TIA1: variants seen among roughly 807,000 people sequenced by gnomAD.
TIA1 encodes the protein cytotoxic granule associated RNA binding protein TIA1.
Under a neutral mutation model 65.9 loss-of-function variants are expected in TIA1, and 23 were observed. The ratio of observed to expected loss-of-function variants is 0.35; its 90% CI spans 0.25 to 0.49. The LOEUF is 0.49. Ranked by LOEUF, TIA1 falls within the 20% of genes least tolerant of loss-of-function variation. The probability of loss-of-function intolerance (pLI) is 0.98; values close to 1 mark genes in which losing one functional copy is unlikely to be tolerated. For synonymous variants in TIA1, 147 were observed against 149.4 expected, an observed-to-expected ratio of 0.98 and a Z score of 0.12; for missense variants, 371 against 477.9, an observed-to-expected ratio of 0.78 and a Z score of 2.09.
rs1224162005 is a variant in TIA1, at chr2:70,248,465, G to A, written c.-35C>T. The stretch of plus-strand genomic sequence containing the variant: ...TGTCGCGGCGGCGCCTCCAGGTCCA[G>A]CTCCCTGCCCTTCACTACCTCCCAA... On this transcript the variant is annotated 5_prime_UTR_variant, in exon 1 of 13. Coordinates refer to ENST00000433529, the MANE Select transcript of TIA1 (RefSeq NM_022173.4). 6.2e-6 allele frequency: 10 copies of A among 1,600,822 alleles called. No individual in the cohort carries two copies. The highest frequency in any genetic ancestry group is 8.5e-6 in the Non-Finnish European group (10 of 1,179,958).
chr2:70,241,638 C>G (rs1210761981), intron 1 of TIA1, among the ~76,000 whole-genome samples: 1 of 151,726 alleles, frequency 6.6e-6, no homozygotes, highest in Non-Finnish European at 1.5e-5. Context: ...ACAGGAGAAA[C>G]AGTACCCTTC....
chr2:70,228,797 G>T, intron 5 of TIA1: 2 of 1,365,820 alleles, frequency 1.5e-6, no homozygotes, highest in Admixed American at 3.3e-5. Context: ...AAGAAAGGAG[G>T]GTATTTTGCC....
intron 2 of TIA1, among the ~76,000 whole-genome samples, chr2:70,231,652 C>T (rs1446785922): frequency 6.6e-6 from 1 of 152,196 alleles, no homozygotes; most frequent in African/African-American, 2.4e-5. Context: ...TCTGAAGTCT[C>T]ACTTCGGCTT....
chr2:70,243,027 T>C (rs1314541354), intron 1 of TIA1, among the ~76,000 whole-genome samples: 2 of 152,252 alleles, frequency 1.3e-5, no homozygotes, highest in African/African-American at 4.8e-5. Flanking sequence ...GAGTTAAATG[T>C]ACTGTCTCAG....
intron 1 of TIA1, among the ~76,000 whole-genome samples, chr2:70,241,784 A>G (rs532152449): frequency 2.0e-5 from 3 of 152,108 alleles, no homozygotes; most frequent in Non-Finnish European, 4.4e-5. Context: ...TCTACAAAAA[A>G]TAAGAAAAAA....
chr2:70,238,842 G>T lies in TIA1; in HGVS notation c.27-2667C>A, dbSNP rs72902490. 5.8e-3 allele frequency among the ~76,000 whole-genome samples: 889 copies of T among 152,184 alleles called. 11 individuals are homozygous for T. The highest frequency in any genetic ancestry group is 0.021 in the African/African-American group (853 of 41,520). Reference sequence around the variant, plus strand: ...AAGGTGGAAAGATCACTTTAGCCAAGGAGTTCAAGATCAGCCCAGTCAATA... The same window carrying T: ...AAGGTGGAAAGATCACTTTAGCCAATGAGTTCAAGATCAGCCCAGTCAATA... On this transcript the variant is annotated intron_variant, in intron 1 of 12. Transcript: ENST00000433529.
At chr2:70,233,373 A>C (rs746389074) in intron 2 of TIA1, among the ~76,000 whole-genome samples, 3 of 152,248 alleles carry the variant, frequency 2.0e-5, no homozygotes, top group African/African-American at 7.2e-5. Flanking sequence ...TGTCTAAAAA[A>C]ATTAGAGAAT....
At chr2:70,243,740 A>G (rs902349950) in intron 1 of TIA1, among the ~76,000 whole-genome samples, 1 of 152,218 alleles carries the variant, frequency 6.6e-6, no homozygotes, top group African/African-American at 2.4e-5. Flanking sequence ...TTTTAAAATA[A>G]ATCCATTTAT....
rs772379774 is a variant in TIA1, at chr2:70,216,168, C to T, written c.764+40G>A. 24 of 1,415,826 alleles carry T rather than the reference C, an allele frequency of 1.7e-5. 1 individual carries two copies. Among genetic ancestry groups the T allele is most frequent in the Middle Eastern group, 2.2e-4 (1 of 4,558 alleles). 87.7% of individuals were successfully genotyped at this position (1,415,826 alleles called of 1,614,324 possible). A position where few individuals can be genotyped will look rare whatever the true frequency, so the allele number is the denominator to read the frequency against. On this transcript the variant is annotated intron_variant, in intron 10 of 12. Transcript: ENST00000433529. Reference sequence around the variant, plus strand: ...TATTTATTTTCTGGTTTTCCAGTTACATTACCAAGAAAAATGTTTTTTTAA... The same window carrying T: ...TATTTATTTTCTGGTTTTCCAGTTATATTACCAAGAAAAATGTTTTTTTAA...
chr2:70,213,657 C>CTT (rs199690023), intron 12 of TIA1, among the ~76,000 whole-genome samples: 21 of 140,700 alleles, frequency 1.5e-4, no homozygotes, highest in African/African-American at 5.0e-4. Flanking sequence ...CCACAAAATC[C>CTT]TTTTTTTTTT....
At position 70,222,062 on chromosome 2, in the gene TIA1, G is replaced by A. The variant is rs565588035; in HGVS notation, c.474+2492C>T. The stretch of plus-strand genomic sequence containing the variant: ...CCCAAAGTGCTGGGATTACAGGTGT[G>A]AGCCACTGTGCCCGGCCACACTGTA... On this transcript the variant is annotated intron_variant, in intron 7 of 12. Transcript: ENST00000433529. 2.0e-4 allele frequency among the ~76,000 whole-genome samples: 30 copies of A among 152,114 alleles called. No individual in the cohort carries two copies. The East Asian group carries it at 3.9e-3, about 20-fold the overall frequency.
Position 70,210,327 on chromosome 2 carries a change from T to G in TIA1, c.*2392A>C, listed in dbSNP as rs1676170125. On this transcript the variant is annotated 3_prime_UTR_variant, in exon 13 of 13. Coordinates refer to ENST00000433529, the MANE Select transcript of TIA1 (RefSeq NM_022173.4). ...GTACCAGAAAGTAAAATCTAAATTTTGCATATTGCAGAGAATGAAACCATT... is the reference window on the plus strand; with the variant it reads ...GTACCAGAAAGTAAAATCTAAATTTGGCATATTGCAGAGAATGAAACCATT... The G allele has an allele frequency of 6.6e-6, 1 of 152,236 alleles. No homozygotes were observed. The allele number at this position is 152,236 out of a possible 1,614,324, so 9.4% of individuals were successfully genotyped here. A position where few individuals can be genotyped will look rare whatever the true frequency, so the allele number is the denominator to read the frequency against.
rs180857517 is a variant in TIA1 at position 70,232,931 on chromosome 2, T to C, written c.124-2077A>G. ...CAGGTAGGTGAGGCTATGTGATAAA[T>C]AGAACCTGGATGTTTAATTATAAAT... is the stretch of plus-strand genomic sequence containing the variant. On this transcript the variant is annotated intron_variant, in intron 2 of 12. Coordinates refer to ENST00000433529, the MANE Select transcript of TIA1 (RefSeq NM_022173.4). Among the ~76,000 whole-genome samples the C allele has an allele frequency of 1.9e-3, 289 of 151,928 alleles. 1 individual carries two copies. Among genetic ancestry groups the C allele is most frequent in the South Asian group, 0.015 (71 of 4,818 alleles).
At chr2:70,214,124 C>G (rs1434211690) in intron 12 of TIA1, among the ~76,000 whole-genome samples, 1 of 152,122 alleles carries the variant, frequency 6.6e-6, no homozygotes, top group Non-Finnish European at 1.5e-5. Flanking sequence ...TAGCATCAAA[C>G]TCAGTGTATA....
At position 70,211,060 on chromosome 2, in the gene TIA1, T is replaced by C. The variant is rs1180568209; in HGVS notation, c.*1659A>G. The C allele has an allele frequency of 6.6e-6, 1 of 152,168 alleles. No individual in the cohort carries two copies. Among genetic ancestry groups the C allele is most frequent in the Non-Finnish European group, 1.5e-5 (1 of 68,038 alleles). The allele number at this position is 152,168 out of a possible 1,614,324, so 9.4% of individuals were successfully genotyped here. On this transcript the variant is annotated 3_prime_UTR_variant, in exon 13 of 13. Transcript: ENST00000433529. ...AATGCAGGCCAGGAAACTTAAGATT[T>C]TGCGGGCCTTTTCTGTTTCTAGGTA...
chr2:70,236,033 G>C (rs1688748213), intron 2 of TIA1, 46 bp downstream of exon 2: 3 of 1,170,036 alleles, frequency 2.6e-6, no homozygotes, highest in African/African-American at 1.6e-5. Context: ...TTTAAGTAAT[G>C]TGTAAAAAAA....
chr2:70,223,364 T>C (rs973427970), intron 7 of TIA1, among the ~76,000 whole-genome samples: 8 of 152,186 alleles, frequency 5.3e-5, no homozygotes, highest in African/African-American at 1.9e-4. Context: ...CTTTGGTAGA[T>C]GGGACATGTA....
At chr2:70,246,008 C>T (rs1263424800) in intron 1 of TIA1, among the ~76,000 whole-genome samples, 1 of 151,238 alleles carries the variant, frequency 6.6e-6, no homozygotes, top group Admixed American at 6.6e-5. Context: ...ACTGCAACCT[C>T]CACCTCCCGG....
rs1206770691 is a variant in TIA1, at chr2:70,227,771, T to C, written c.362A>G (p.Asp121Gly). The change falls in exon 6 of 13, where the codon GAT (aspartate) becomes GGT (glycine). Residue 121 changes from aspartate to glycine, a missense_variant. Physicochemically the swap from Asp to Gly is moderately conservative, Grantham distance 94. Transcript: ENST00000433529. Reference protein sequence around the residue: ...GDLSPEITTEDIKAAFAPFGR... With the variant: ...GDLSPEITTEGIKAAFAPFGR... ...AAATGGTGCAAAAGCAGCTTTTATATCTTCAGTTGTAATTTCTGGGCTGAG... is the reference window on the plus strand; with the variant it reads ...AAATGGTGCAAAAGCAGCTTTTATACCTTCAGTTGTAATTTCTGGGCTGAG... The C allele has an allele frequency of 5.6e-6, 9 of 1,595,556 alleles. No individual in the cohort carries two copies. Among genetic ancestry groups the C allele is most frequent in the Non-Finnish European group, 6.8e-6 (8 of 1,168,740 alleles).
Sources: allele counts gnomAD v4.1 joint callset (sites outside exome capture counted in the v4.1 genomes callset), GRCh38; gene constraint gnomAD v4.1.1; transcripts MANE v1.5; gene names NCBI Gene and HGNC (gene_info 2026-07-23, HGNC 2026-07-21).